CUX1: variants seen among roughly 807,000 people sequenced by gnomAD.
CUX1 encodes cut like homeobox 1.
CUX1 carries 31 observed loss-of-function variants against 158.8 expected under a neutral mutation model. The ratio of observed to expected loss-of-function variants is 0.20; its 90% CI spans 0.15 to 0.26. CUX1 has a LOEUF of 0.26. Ranked by LOEUF, CUX1 falls within the 10% of genes least tolerant of loss-of-function variation. CUX1 has a pLI of 1.00. For synonymous variants in CUX1, 879 were observed against 862.1 expected, an observed-to-expected ratio of 1.02 and a Z score of -0.34; for missense variants, 1,589 against 2,014.6, an observed-to-expected ratio of 0.79 and a Z score of 4.04.
Position 102,275,433 on chromosome 7 carries a change from A to G in CUX1, c.1563+74A>G. 1.5e-5 allele frequency: 19 copies of G among 1,237,856 alleles called. No individual in the cohort carries two copies. In the South Asian group the frequency reaches 2.5e-4, roughly 17 times the overall value. The allele number at this position is 1,237,856 out of a possible 1,614,324, so 76.7% of individuals were successfully genotyped here. On this transcript the variant is annotated intron_variant, in intron 17 of 22. Coordinates refer to the CUX1 transcript ENST00000292538. ...GTTGGGGAACACACAGGCTTTCAGG[A>G]GAGAGATGTGGCACAGACCGTAAAC...
intron 2 of CUX1, among the ~76,000 whole-genome samples, chr7:101,924,644 C>T (rs1805366174): frequency 1.3e-5 from 2 of 152,046 alleles, no homozygotes; most frequent in East Asian, 1.9e-4. Flanking sequence ...CAGCTCACTG[C>T]AGCCTCAACC....
At position 102,170,579 on chromosome 7, in the gene CUX1, G is replaced by A. The variant is rs905795574; in HGVS notation, c.828+29G>A. The A allele has an allele frequency of 3.3e-6, 5 of 1,494,872 alleles. No individual in the cohort carries two copies. In the Admixed American group the frequency reaches 1.0e-4, roughly 30 times the overall value. 92.6% of individuals were successfully genotyped at this position (1,494,872 alleles called of 1,614,324 possible). A position where few individuals can be genotyped will look rare whatever the true frequency, so the allele number is the denominator to read the frequency against. ...GGTAGCCCCGGCCCCGTGGGGGACTGTCCCCGCCTGGCCTCCGCACCTTCG... is the reference window on the plus strand; with the variant it reads ...GGTAGCCCCGGCCCCGTGGGGGACTATCCCCGCCTGGCCTCCGCACCTTCG... On this transcript the variant is annotated intron_variant, in intron 10 of 23. Coordinates refer to ENST00000292535, the MANE Select transcript of CUX1 (RefSeq NM_181552.4).
exon 17 of CUX1, chr7:102,275,341 G>A (rs1360440425): frequency 1.2e-6 from 2 of 1,612,796 alleles, no homozygotes; most frequent in Non-Finnish European, 1.7e-6. Flanking sequence ...TCCGTGCCCG[G>A]AACCAGGAGC....
At chr7:102,138,740 G>A (rs191740489) in intron 8 of CUX1, among the ~76,000 whole-genome samples, 15 of 152,056 alleles carry the variant, frequency 9.9e-5, no homozygotes, top group Admixed American at 5.9e-4. Flanking sequence ...TTCAACGATC[G>A]TCTACTCCCT....
At chr7:102,211,702 C>T (rs553000150) in intron 20 of CUX1, among the ~76,000 whole-genome samples, 41 of 149,432 alleles carry the variant, frequency 2.7e-4, no homozygotes, top group African/African-American at 9.1e-4. Context: ...ATTGCTTGAA[C>T]CCGAGAGACC....
Position 102,041,132 on chromosome 7 carries a change from C to CA in CUX1, c.189+12997dup, listed in dbSNP as rs552207636. Among the ~76,000 whole-genome samples the CA allele has an allele frequency of 2.1e-3, 286 of 137,326 alleles. 3 individuals are homozygous for CA. The highest frequency in any genetic ancestry group is 0.017 in the East Asian group (83 of 4,746). 90.1% of individuals were successfully genotyped at this position (137,326 alleles called of 152,430 possible). On this transcript the variant is annotated intron_variant, in intron 3 of 23. Transcript: ENST00000292535. ...TGAAACCCTGTCTCTACTAAAAATA[C>CA]AAAAAAAAAACAAAAATAAAAAAAT... is the stretch of plus-strand genomic sequence containing the variant.
At chr7:102,219,498 G>A (rs1797602710) in intron 20 of CUX1, among the ~76,000 whole-genome samples, 1 of 152,176 alleles carries the variant, frequency 6.6e-6, no homozygotes, top group Non-Finnish European at 1.5e-5. Context: ...CCACTTGTAA[G>A]GGCACAGACC....
At chr7:101,956,717 C>G (rs541337968) in intron 2 of CUX1, among the ~76,000 whole-genome samples, 1 of 152,212 alleles carries the variant, frequency 6.6e-6, no homozygotes, top group Non-Finnish European at 1.5e-5. Context: ...GAGGCCGAAG[C>G]GGGCAGTGCG....
intron 1 of CUX1, among the ~76,000 whole-genome samples, chr7:101,855,020 C>T (rs1796629496): frequency 6.6e-6 from 1 of 152,242 alleles, no homozygotes; most frequent in African/African-American, 2.4e-5. Context: ...CAGGTGTGAG[C>T]CACCTCGCCC....
At chr7:101,866,861 G>A (rs1027539865) in intron 1 of CUX1, among the ~76,000 whole-genome samples, 12 of 152,156 alleles carry the variant, frequency 7.9e-5, no homozygotes, top group South Asian at 4.1e-4. Context: ...CAAAGGCGGC[G>A]CCATGGCATA....
intron 2 of CUX1, among the ~76,000 whole-genome samples, chr7:101,948,693 C>T (rs1284496707): frequency 2.0e-5 from 3 of 152,224 alleles, no homozygotes; most frequent in Non-Finnish European, 2.9e-5. Context: ...CACAGAGTCT[C>T]TCTTCTCTGA....
At chr7:102,081,316 C>T (rs574650229) in intron 4 of CUX1, among the ~76,000 whole-genome samples, 10 of 117,228 alleles carry the variant, frequency 8.5e-5, no homozygotes, top group East Asian at 3.9e-4. Flanking sequence ...GCTTTGGCCA[C>T]TGATATGGTT....
At chr7:102,016,175 A>G (rs1818561620) in intron 2 of CUX1, among the ~76,000 whole-genome samples, 1 of 152,048 alleles carries the variant, frequency 6.6e-6, no homozygotes, top group South Asian at 2.1e-4. Flanking sequence ...GTTGAGCTCC[A>G]GAGCTAAAGC....
chr7:101,842,878 T>TTTC (rs1795313291), intron 1 of CUX1, among the ~76,000 whole-genome samples: 1 of 147,214 alleles, frequency 6.8e-6, no homozygotes, highest in African/African-American at 2.5e-5. Flanking sequence ...TTCTATTTTT[T>TTTC]TTTTTTTTTT....
intron 20 of CUX1, among the ~76,000 whole-genome samples, chr7:102,218,533 T>A (rs1170988943): frequency 6.7e-6 from 1 of 149,568 alleles, no homozygotes; most frequent in East Asian, 2.0e-4. Flanking sequence ...ATAATAATTA[T>A]AGTAAATTAG....
chr7:102,268,709 T>G (rs1284710281), intron 14 of CUX1, among the ~76,000 whole-genome samples: 3 of 152,088 alleles, frequency 2.0e-5, no homozygotes, highest in Non-Finnish European at 4.4e-5. Context: ...TGGTGTCGGT[T>G]TGGCTTCTGG....
chr7:101,938,002 G>A (rs1160203348), intron 2 of CUX1, among the ~76,000 whole-genome samples: 1 of 152,184 alleles, frequency 6.6e-6, no homozygotes, highest in Non-Finnish European at 1.5e-5. Flanking sequence ...AAAGCCAGGA[G>A]AAGGGTGAAT....
intron 3 of CUX1, among the ~76,000 whole-genome samples, chr7:102,064,543 G>T (rs1825320269): frequency 6.6e-6 from 1 of 152,198 alleles, no homozygotes; most frequent in Admixed American, 6.5e-5. Context: ...TACCTCCAAG[G>T]CATGCAGTGG....
intron 8 of CUX1, among the ~76,000 whole-genome samples, chr7:102,127,502 C>T (rs1416699620): frequency 1.3e-5 from 2 of 152,204 alleles, no homozygotes; most frequent in African/African-American, 4.8e-5. Flanking sequence ...AGCTGCTTCG[C>T]CCAAACTCGT....
Sources: allele counts gnomAD v4.1 joint callset (sites outside exome capture counted in the v4.1 genomes callset), GRCh38; gene constraint gnomAD v4.1.1; transcripts MANE v1.5; gene names NCBI Gene and HGNC (gene_info 2026-07-23, HGNC 2026-07-21).